The following EYS variants were observed in gnomAD, a reference collection of about 807,000 sequenced individuals.
EYS encodes the protein protein eyes shut homolog.
A neutral mutation model predicts 282.1 loss-of-function variants in EYS; 250 were observed. That is an observed-to-expected ratio of 0.89 (90% CI 0.80 to 0.98). The LOEUF (loss-of-function observed/expected upper bound fraction) is 0.98. Ranked by LOEUF, EYS falls within the 50% of genes least tolerant of loss-of-function variation. EYS has a pLI of 0.00. For missense variants in EYS, 4,016 were observed against 3,709.0 expected, an observed-to-expected ratio of 1.08 and a Z score of -2.15; for synonymous variants, 1,355 against 1,282.9, an observed-to-expected ratio of 1.06 and a Z score of -1.20.
intron 33 of EYS, among the ~76,000 whole-genome samples, chr6:64,014,027 G>T (rs558158334): frequency 6.6e-6 from 1 of 151,930 alleles, no homozygotes; most frequent in East Asian, 1.9e-4. Flanking sequence ...AGTTTTAGGG[G>T]TGTTCACTCC....
intron 36 of EYS, among the ~76,000 whole-genome samples, chr6:63,863,675 C>CTTTTCTTTTCT (rs1772597256): frequency 1.6e-3 from 94 of 60,034 alleles, no homozygotes; most frequent in Middle Eastern, 8.6e-3. Flanking sequence ...TTTCTTTTTT[C>CTTTTCTTTTCT]TTTTTTTTTT....
chr6:64,605,146 C>T (rs772915890), intron 24 of EYS, among the ~76,000 whole-genome samples: 2 of 151,884 alleles, frequency 1.3e-5, no homozygotes, highest in African/African-American at 4.8e-5. Context: ...GAGAAACTTA[C>T]TTAGGTTACC....
chr6:64,650,050 A>G (rs934241558), intron 22 of EYS, among the ~76,000 whole-genome samples: 3 of 152,130 alleles, frequency 2.0e-5, no homozygotes, highest in Non-Finnish European at 4.4e-5. Context: ...AAAATTTCAC[A>G]GCTAACAGAA....
chr6:65,090,488 C>A (rs563842753), intron 12 of EYS, among the ~76,000 whole-genome samples: 2 of 152,174 alleles, frequency 1.3e-5, no homozygotes, highest in East Asian at 1.9e-4. Context: ...AATACACTCA[C>A]CAAATACAGT....
At chr6:65,519,078 C>T (rs1274379326) in intron 2 of EYS, among the ~76,000 whole-genome samples, 1 of 152,134 alleles carries the variant, frequency 6.6e-6, no homozygotes, top group East Asian at 1.9e-4. Context: ...CTATCAAGCA[C>T]ATCCTTCTGG....
At chr6:64,349,832 CTT>C (rs1771554117) in intron 29 of EYS, among the ~76,000 whole-genome samples, 1 of 151,384 alleles carries the variant, frequency 6.6e-6, no homozygotes. Flanking sequence ...TAGATCTTGT[CTT>C]TGCCTTGAAC....
intron 29 of EYS, among the ~76,000 whole-genome samples, chr6:64,332,378 A>G (rs1044116122): frequency 6.6e-6 from 1 of 152,212 alleles, no homozygotes; most frequent in Non-Finnish European, 1.5e-5. Flanking sequence ...TGGGTAAGGA[A>G]AAGAATACCT....
chr6:63,900,825 A>G (rs1281034667), intron 35 of EYS, among the ~76,000 whole-genome samples: 1 of 152,200 alleles, frequency 6.6e-6, no homozygotes, highest in Non-Finnish European at 1.5e-5. Flanking sequence ...CAACTGAACA[A>G]AGATATTGGT....
chr6:64,997,572 G>A lies in EYS; in HGVS notation c.2259+10C>T, dbSNP rs78511049. On this transcript the variant is annotated intron_variant, in intron 14 of 42. Transcript: ENST00000503581. ...ACATTTAGGTATATAAAAAGCCAGT[G>A]GATACTAACGAGATGCAGGTCTTTG... 7.6e-3 allele frequency: 11,753 copies of A among 1,549,962 alleles called. 223 individuals are homozygous for A. Among genetic ancestry groups the A allele is most frequent in the South Asian group, 0.058 (4,877 of 83,850 alleles).
At chr6:64,650,838 C>A (rs955318871) in intron 22 of EYS, among the ~76,000 whole-genome samples, 24 of 151,874 alleles carry the variant, frequency 1.6e-4, no homozygotes, top group African/African-American at 5.8e-4. Context: ...AGCACATGTA[C>A]CCACTAAATA....
intron 12 of EYS, among the ~76,000 whole-genome samples, chr6:65,068,371 G>A (rs920403144): frequency 6.6e-6 from 1 of 152,046 alleles, no homozygotes; most frequent in African/African-American, 2.4e-5. Context: ...TTATTATTCA[G>A]TTAATCAAGT....
intron 36 of EYS, among the ~76,000 whole-genome samples, chr6:63,840,418 G>T (rs1771926928): frequency 6.6e-6 from 1 of 151,786 alleles, no homozygotes; most frequent in Admixed American, 6.6e-5. Context: ...TGAGTTCCTT[G>T]TATATTCTGG....
chr6:64,363,152 ATCCTGCAATATTCTCATTTAT>A (rs1772072246), intron 29 of EYS, among the ~76,000 whole-genome samples: 1 of 151,726 alleles, frequency 6.6e-6, no homozygotes. Flanking sequence ...AACTGATATA[ATCCTGCAATATTCTCATTTAT>A]TTGTGATTCT....
chr6:64,878,065 T>A (rs1239145724), intron 19 of EYS, among the ~76,000 whole-genome samples: 1 of 151,992 alleles, frequency 6.6e-6, no homozygotes, highest in East Asian at 1.9e-4. Context: ...AAACCCCATC[T>A]TTACTAAAAA....
chr6:65,224,096 C>T (rs1766551309), intron 12 of EYS, among the ~76,000 whole-genome samples: 1 of 152,190 alleles, frequency 6.6e-6, no homozygotes, highest in African/African-American at 2.4e-5. Flanking sequence ...ATAGTCCATC[C>T]AACAACAGCA....
intron 1 of EYS, among the ~76,000 whole-genome samples, chr6:65,642,400 G>A (rs1444574944): frequency 1.3e-5 from 2 of 151,996 alleles, no homozygotes; most frequent in African/African-American, 4.8e-5. Context: ...ATCCAGAGAG[G>A]ATTTCTGTTT....
chr6:63,869,124 A>G (rs1772738074), intron 35 of EYS, among the ~76,000 whole-genome samples: 1 of 152,210 alleles, frequency 6.6e-6, no homozygotes, highest in Admixed American at 6.6e-5. Flanking sequence ...CCTCTGCTAT[A>G]GAAACTTTTT....
chr6:65,273,276 A>C (rs1403525233), intron 12 of EYS, among the ~76,000 whole-genome samples: 1 of 152,216 alleles, frequency 6.6e-6, no homozygotes, highest in Non-Finnish European at 1.5e-5. Context: ...ACTACAGATA[A>C]GTGGGGACTA....
At chr6:64,243,160 A>C (rs770528908) in intron 30 of EYS, among the ~76,000 whole-genome samples, 1 of 151,690 alleles carries the variant, frequency 6.6e-6, no homozygotes, top group Admixed American at 6.6e-5. Context: ...ATTTTTATTC[A>C]TATCCTCCTC....
Sources: gnomAD v4.1 joint callset for allele counts (sites outside exome capture counted in the v4.1 genomes callset) on GRCh38, gnomAD v4.1.1 for gene constraint, MANE v1.5 for transcripts, NCBI Gene and HGNC (gene_info 2026-07-23, HGNC 2026-07-21) for gene names.